MTA3: variants seen among roughly 807,000 people sequenced by gnomAD.
The protein encoded by MTA3 is metastasis-associated protein MTA3.
MTA3 carries 34 observed loss-of-function variants against 83.5 expected under a neutral mutation model. The observed-to-expected ratio is 0.41, with a 90% CI of 0.31 to 0.54. The LOEUF (loss-of-function observed/expected upper bound fraction) is 0.54. Among genes scored for constraint, MTA3 ranks in the 20% least tolerant of loss-of-function variants. The pLI is 0.33. For missense variants in MTA3, 761 were observed against 726.4 expected (o/e 1.05, Z -0.55); for synonymous variants, 303 against 252.7 (o/e 1.20, Z -1.89).
At chr2:42,751,725 G>A (rs1019684320) in intron 16 of MTA3, among the ~76,000 whole-genome samples, 1 of 152,218 alleles carries the variant, frequency 6.6e-6, no homozygotes. Context: ...AATTTACCAT[G>A]GCAGGCTAGA....
At chr2:42,504,493 G>A (rs182992401) in intron 2 of MTA3, among the ~76,000 whole-genome samples, 60 of 152,146 alleles carry the variant, frequency 3.9e-4, no homozygotes, top group South Asian at 6.3e-4. Flanking sequence ...CAGCTGCCTC[G>A]GCCTCCCAAA....
intron 3 of MTA3, among the ~76,000 whole-genome samples, chr2:42,582,127 G>A (rs530114467): frequency 6.6e-6 from 1 of 151,692 alleles, no homozygotes; most frequent in Non-Finnish European, 1.5e-5. Context: ...GCGCGATCTT[G>A]GCTCACTGCA....
intron 7 of MTA3, 81 bp from the exon 8 acceptor site, chr2:42,659,682 C>T: frequency 3.5e-5 from 37 of 1,049,218 alleles, no homozygotes; most frequent in South Asian, 2.7e-4. Flanking sequence ...ATTTACTATC[C>T]AAATGTGTTT....
chr2:42,495,946 G>T (rs1674110193), intron 2 of MTA3, among the ~76,000 whole-genome samples: 1 of 152,156 alleles, frequency 6.6e-6, no homozygotes, highest in Admixed American at 6.5e-5. Context: ...ATGGGGAAAA[G>T]TTTGCAGATG....
At chr2:42,538,722 AAAAAGAAAAAG>A (rs1676373431) in intron 2 of MTA3, among the ~76,000 whole-genome samples, 1 of 149,566 alleles carries the variant, frequency 6.7e-6, no homozygotes, top group African/African-American at 2.4e-5. Flanking sequence ...AAAAAAAAAA[AAAAAGAAAAAG>A]AAAAGAAAAG....
At chr2:42,585,806 T>C (rs1044521264) in intron 3 of MTA3, among the ~76,000 whole-genome samples, 1 of 152,160 alleles carries the variant, frequency 6.6e-6, no homozygotes, top group East Asian at 1.9e-4. Flanking sequence ...TATTTGGTTA[T>C]GTATAATTAC....
At chr2:42,660,142 G>T (rs908394828) in intron 8 of MTA3, among the ~76,000 whole-genome samples, 2 of 151,632 alleles carry the variant, frequency 1.3e-5, no homozygotes, top group African/African-American at 4.8e-5. Flanking sequence ...AGGCTGGAGT[G>T]CAGTGGCATG....
At chr2:42,695,455 T>A (rs1279878784) in intron 9 of MTA3, among the ~76,000 whole-genome samples, 2 of 151,620 alleles carry the variant, frequency 1.3e-5, no homozygotes, top group Non-Finnish European at 2.9e-5. Context: ...ACCAACATGG[T>A]GAAACCTTGT....
chr2:42,633,685 A>T lies in MTA3; in HGVS notation c.318-6488A>T, dbSNP rs373521199. On this transcript the variant is annotated intron_variant, in intron 4 of 16. Transcript: ENST00000405094. ...GGCGGGCGGATCACAAGGTCAGGAGATCGAGACCATCCTGGCTAACACAGT... is the reference window on the plus strand; with the variant it reads ...GGCGGGCGGATCACAAGGTCAGGAGTTCGAGACCATCCTGGCTAACACAGT... Among the ~76,000 whole-genome samples the T allele has an allele frequency of 2.0e-5, 3 of 152,032 alleles. No individual in the cohort carries two copies. In the East Asian group the frequency reaches 5.8e-4, roughly 29 times the overall value.
At chr2:42,625,134 C>T (rs1054151701) in intron 4 of MTA3, among the ~76,000 whole-genome samples, 4 of 151,982 alleles carry the variant, frequency 2.6e-5, no homozygotes, top group Admixed American at 6.6e-5. Context: ...TAGATTCAAG[C>T]GATTCTCCTG....
chr2:42,622,889 A>G (rs1315772466), intron 4 of MTA3, among the ~76,000 whole-genome samples: 1 of 152,202 alleles, frequency 6.6e-6, no homozygotes, highest in Non-Finnish European at 1.5e-5. Context: ...TGCTTATATC[A>G]TTAGATTGGA....
At chr2:42,702,001 A>G (rs566629238) in intron 11 of MTA3, among the ~76,000 whole-genome samples, 1 of 152,282 alleles carries the variant, frequency 6.6e-6, no homozygotes, top group African/African-American at 2.4e-5. Flanking sequence ...ACCTGAGGCC[A>G]GGAGTTTGAG....
chr2:42,687,039 A>G (rs544928735), intron 9 of MTA3, among the ~76,000 whole-genome samples: 2 of 151,852 alleles, frequency 1.3e-5, no homozygotes, highest in South Asian at 4.2e-4. Context: ...AGGCATGAGA[A>G]TTGCTTGAAC....
intron 3 of MTA3, among the ~76,000 whole-genome samples, chr2:42,599,704 C>G (rs1682310867): frequency 6.6e-6 from 1 of 151,922 alleles, no homozygotes; most frequent in Admixed American, 6.6e-5. Context: ...TAAAGATATC[C>G]CTAAAGATAA....
intron 2 of MTA3, among the ~76,000 whole-genome samples, chr2:42,513,129 AGT>A (rs1292437273): frequency 6.6e-6 from 1 of 152,222 alleles, no homozygotes; most frequent in Non-Finnish European, 1.5e-5. Context: ...ACGAGAGGCT[AGT>A]GTTTCTGGTT....
intron 2 of MTA3, among the ~76,000 whole-genome samples, chr2:42,549,400 T>A (rs1407749335): frequency 1.4e-4 from 17 of 118,054 alleles, no homozygotes; most frequent in Non-Finnish European, 2.6e-4. Flanking sequence ...ATATTATATA[T>A]ACGTATATAA....
chr2:42,658,071 CAAAAAAAAAAAAAAA>C (rs59628946), intron 7 of MTA3, among the ~76,000 whole-genome samples: 3 of 51,916 alleles, frequency 5.8e-5, no homozygotes, highest in Admixed American at 3.1e-4. Context: ...GACTCTGTCT[CAAAAAAAAAAAAAAA>C]AAAAAAAAAA....
intron 16 of MTA3, among the ~76,000 whole-genome samples, chr2:42,745,967 C>T (rs1377648753): frequency 6.6e-6 from 1 of 151,838 alleles, no homozygotes; most frequent in African/African-American, 2.4e-5. Context: ...CCATGCGCCA[C>T]CACGCCCAGC....
chr2:42,726,610 T>G (rs6753141), intron 16 of MTA3, among the ~76,000 whole-genome samples: 90,867 of 151,850 alleles, frequency 0.6, 28,992 homozygotes, highest in African/African-American at 0.83. Context: ...GCGGTGTTTG[T>G]TTTTTTGTCC....
Sources: gnomAD v4.1 joint callset for allele counts (sites outside exome capture counted in the v4.1 genomes callset) on GRCh38, gnomAD v4.1.1 for gene constraint, MANE v1.5 for transcripts, NCBI Gene and HGNC (gene_info 2026-07-23, HGNC 2026-07-21) for gene names.